ZNF710: variants seen among roughly 807,000 people sequenced by gnomAD.
ZNF710 encodes the protein zinc finger protein 710.
ZNF710 carries 13 observed loss-of-function variants against 50.6 expected under a neutral mutation model. The ratio of observed to expected loss-of-function variants is 0.26; its 90% CI spans 0.17 to 0.41. ZNF710 has a LOEUF of 0.41. ZNF710 is among the 10% of genes least tolerant of loss of function. The pLI is 1.00. For missense variants in ZNF710, 721 were observed against 936.6 expected (o/e 0.77, Z 3.01); for synonymous variants, 383 against 397.0 (o/e 0.96, Z 0.42).
Position 90,067,713 on chromosome 15 carries a change from G to C in ZNF710, c.576G>C (p.Pro192=), listed in dbSNP as rs767428604. The change falls in exon 2 of 5, where the codon CCG becomes CCC. Residue 192 remains proline, a synonymous_variant. Transcript: ENST00000268154. This position sits in a 1 kb window ranked among gnomAD's most constrained non-coding sequence, Gnocchi z 8.1. Reference sequence around the variant, plus strand: ...TGGCCCCATATGACCCTCACTTCCCGGCCCCGGCCCGGGATGGCTTCCCCG... The same window carrying C: ...TGGCCCCATATGACCCTCACTTCCCCGCCCCGGCCCGGGATGGCTTCCCCG... ...LNVAPYDPHF[P]APARDGFPEP... 2 of 1,607,002 alleles carry C rather than the reference G, an allele frequency of 1.2e-6. No individual in the cohort carries two copies. Among genetic ancestry groups the C allele is most frequent in the Non-Finnish European group, 1.7e-6 (2 of 1,176,768 alleles).
intron 4 of ZNF710, 180 bp downstream of exon 4, chr15:90,074,470 A>G (rs1567246648): frequency 2.0e-6 from 3 of 1,530,524 alleles, no homozygotes; most frequent in Non-Finnish European, 8.7e-7. Flanking sequence ...TGGGATATTT[A>G]TGTCTTCTTC....
intron 1 of ZNF710, among the ~76,000 whole-genome samples, chr15:90,031,663 ATC>A (rs1236785813): frequency 2.0e-5 from 3 of 152,028 alleles, no homozygotes; most frequent in Non-Finnish European, 4.4e-5. Flanking sequence ...GTCATAGCCC[ATC>A]TCTCTTGTTT....
intron 1 of ZNF710, among the ~76,000 whole-genome samples, chr15:90,042,195 C>G (rs1899316795): frequency 6.6e-6 from 1 of 152,174 alleles, no homozygotes; most frequent in African/African-American, 2.4e-5. Context: ...CCGTGCCCGG[C>G]CCCTGTGCCT....
chr15:90,073,997 AAAC>A (rs1395235869), intron 3 of ZNF710, 116 bp from the exon 4 acceptor site: 12,413 of 1,128,968 alleles, frequency 0.011, 465 homozygotes, highest in East Asian at 0.082. Context: ...CTCAAAAAAA[AAAC>A]AAAAAAAAAA....
intron 1 of ZNF710, among the ~76,000 whole-genome samples, chr15:90,008,375 A>G (rs939770595): frequency 6.9e-6 from 1 of 144,664 alleles, no homozygotes; most frequent in African/African-American, 2.6e-5. Flanking sequence ...ATATGTGTAT[A>G]TATATGTATA....
Position 90,049,847 on chromosome 15 carries a change from C to T in ZNF710, c.-28-17263C>T, listed in dbSNP as rs148240890. On this transcript the variant is annotated intron_variant, in intron 1 of 4. Coordinates refer to ENST00000268154, the MANE Select transcript of ZNF710 (RefSeq NM_198526.4). ...TGGCTGGGATGCCCATCATGTGGCT[C>T]CCGCCTTCTCTGAACTTCTTATCTG... Among the ~76,000 whole-genome samples, 542 of 152,336 alleles carry T rather than the reference C, an allele frequency of 3.6e-3. 3 individuals are homozygous for T. The highest frequency in any genetic ancestry group is 0.012 in the African/African-American group (483 of 41,578).
chr15:89,999,306 A>G (rs1897967161), upstream of ZNF710, among the ~76,000 whole-genome samples: 1 of 152,222 alleles, frequency 6.6e-6, no homozygotes, highest in Admixed American at 6.5e-5. Flanking sequence ...CAAAGCAAGG[A>G]CTGCGTCTTG....
intron 1 of ZNF710, among the ~76,000 whole-genome samples, chr15:90,009,787 T>G (rs1031204848): frequency 6.6e-6 from 1 of 151,902 alleles, no homozygotes; most frequent in South Asian, 2.1e-4. Flanking sequence ...TCTCTCCCCC[T>G]CTTCTCCTTG....
intron 1 of ZNF710, among the ~76,000 whole-genome samples, chr15:90,017,861 G>A (rs1395182121): frequency 1.3e-5 from 2 of 152,066 alleles, no homozygotes; most frequent in Non-Finnish European, 2.9e-5. Context: ...TAAAGGGACC[G>A]GCAACATTGA....
intron 1 of ZNF710, among the ~76,000 whole-genome samples, chr15:90,005,642 G>A (rs1010282834): frequency 1.1e-4 from 16 of 152,156 alleles, no homozygotes; most frequent in African/African-American, 3.4e-4. Context: ...TAGAGACGGG[G>A]TTTCACCAGG....
chr15:90,079,424 C>T (rs913895890), intron 4 of ZNF710, among the ~76,000 whole-genome samples: 3 of 152,200 alleles, frequency 2.0e-5, no homozygotes, highest in Admixed American at 6.5e-5. Context: ...CACAAAGGCC[C>T]TCACTGATAG....
chr15:90,073,622 G>C (rs1444960678), intron 3 of ZNF710, among the ~76,000 whole-genome samples: 1 of 152,174 alleles, frequency 6.6e-6, no homozygotes, highest in African/African-American at 2.4e-5. Flanking sequence ...ACCCCCAATG[G>C]ATGGCTTGTG....
Position 90,001,482 on chromosome 15 carries a change from AGGCGGCGGGCGCGCGTGGAGGCG to A in ZNF710, c.-148_-126del, listed in dbSNP as rs1158487940. 4.0e-5 allele frequency: 6 copies of A among 151,304 alleles called. No homozygotes were observed. The highest frequency in any genetic ancestry group is 1.9e-4 in the South Asian group (1 of 5,246). The allele number at this position is 151,304 out of a possible 1,614,324, so 9.4% of individuals were successfully genotyped here. A position where few individuals can be genotyped will look rare whatever the true frequency, so the allele number is the denominator to read the frequency against. ...GAGCCGGAGGGAGGGCGGCAGGAGC[AGGCGGCGGGCGCGCGTGGAGGCG>A]GGCGGCGGGCGCACAGCAGCAGCCC... On this transcript the variant is annotated 5_prime_UTR_variant, in exon 1 of 5. Transcript: ENST00000268154.
chr15:90,060,749 T>C (rs1041546838), intron 1 of ZNF710, among the ~76,000 whole-genome samples: 2 of 145,668 alleles, frequency 1.4e-5, no homozygotes, highest in Non-Finnish European at 3.0e-5. Flanking sequence ...CCAGCTACTT[T>C]GGAGGCTGAG....
At chr15:90,008,423 T>TATATATATATAC (rs1567218321) in intron 1 of ZNF710, among the ~76,000 whole-genome samples, 1 of 140,300 alleles carries the variant, frequency 7.1e-6, no homozygotes, top group African/African-American at 3.0e-5. Context: ...TGTGTGTGTG[T>TATATATATATAC]GTGTATATAT....
chr15:90,042,487 ACTCG>A (rs904188239), intron 1 of ZNF710, among the ~76,000 whole-genome samples: 1 of 151,480 alleles, frequency 6.6e-6, no homozygotes, highest in African/African-American at 2.4e-5. Flanking sequence ...TAAGGTTGAG[ACTCG>A]CTCAATCAAT....
intron 1 of ZNF710, among the ~76,000 whole-genome samples, chr15:90,003,201 C>A (rs1898058799): frequency 6.6e-6 from 1 of 152,218 alleles, no homozygotes; most frequent in Non-Finnish European, 1.5e-5. Flanking sequence ...GCCTGCCGGG[C>A]AATCCAGTGA....
intron 1 of ZNF710, among the ~76,000 whole-genome samples, chr15:90,012,255 A>G (rs1898326740): frequency 6.8e-6 from 1 of 147,198 alleles, no homozygotes. Flanking sequence ...TTGTTCCCTT[A>G]GATAAATTCT....
Position 90,034,793 on chromosome 15 carries a change from C to G in ZNF710, c.-28-32317C>G, listed in dbSNP as rs1454392161. Among the ~76,000 whole-genome samples, 1 of 152,230 alleles carries G rather than the reference C, an allele frequency of 6.6e-6. No individual in the cohort carries two copies. Among genetic ancestry groups the G allele is most frequent in the African/African-American group, 2.4e-5 (1 of 41,466 alleles). ...CAGGTTTTGCCTGCAGGTGCATTTC[C>G]TTTGCACACCTGGCGCCTGTTGGGG... On this transcript the variant is annotated intron_variant, in intron 1 of 4. Coordinates refer to ENST00000268154, the MANE Select transcript of ZNF710 (RefSeq NM_198526.4). This position sits in a 1 kb window ranked among gnomAD's most constrained non-coding sequence, Gnocchi z 4.0.
Sources: allele counts gnomAD v4.1 joint callset (sites outside exome capture counted in the v4.1 genomes callset), GRCh38; gene constraint gnomAD v4.1.1; non-coding constraint Gnocchi (gnomAD v3.1); transcripts MANE v1.5; gene names NCBI Gene and HGNC (gene_info 2026-07-23, HGNC 2026-07-21).